The following PLA2G4C variants were observed in gnomAD, a reference collection of about 807,000 sequenced individuals.
PLA2G4C encodes phospholipase A2 group IVC, also known as cytosolic phospholipase A2 gamma.
Under a neutral mutation model 73.8 loss-of-function variants are expected in PLA2G4C, and 64 were observed. The observed-to-expected ratio is 0.87, with a 90% confidence interval of 0.71 to 1.07. The LOEUF (loss-of-function observed/expected upper bound fraction) is 1.07. Among genes scored for constraint, PLA2G4C ranks in the 50% least tolerant of loss-of-function variants. The pLI is 0.00. For missense variants in PLA2G4C, 622 were observed against 665.4 expected (o/e 0.93, Z 0.72); for synonymous variants, 254 against 252.1 (o/e 1.01, Z -0.07).
At chr19:48,094,084 T>C (rs142231222) in intron 7 of PLA2G4C, among the ~76,000 whole-genome samples, 5 of 152,272 alleles carry the variant, frequency 3.3e-5, no homozygotes, top group African/African-American at 1.2e-4. Context: ...AACGGACTAA[T>C]ACAGGGTCTC....
At chr19:48,066,719 C>A (rs1330658635) in intron 13 of PLA2G4C, among the ~76,000 whole-genome samples, 1 of 152,052 alleles carries the variant, frequency 6.6e-6, no homozygotes, top group African/African-American at 2.4e-5. Context: ...AATCCCAGCA[C>A]TTTGGGAGGC....
chr19:48,057,854 G>A (rs576206496), intron 14 of PLA2G4C, among the ~76,000 whole-genome samples: 1 of 147,488 alleles, frequency 6.8e-6, no homozygotes, highest in Non-Finnish European at 1.5e-5. Flanking sequence ...CTTATCTTTA[G>A]AGACAGGATC....
At chr19:48,050,003 C>A (rs879390804) in intron 16 of PLA2G4C, among the ~76,000 whole-genome samples, 1 of 152,174 alleles carries the variant, frequency 6.6e-6, no homozygotes, top group African/African-American at 2.4e-5. Context: ...CTCACTGCAA[C>A]CTCCACCTTC....
At chr19:48,055,452 C>A (rs966349706) in intron 14 of PLA2G4C, among the ~76,000 whole-genome samples, 6 of 148,722 alleles carry the variant, frequency 4.0e-5, no homozygotes, top group Non-Finnish European at 8.9e-5. Flanking sequence ...GTAGCCCTAG[C>A]TACTCAGGAA....
intron 13 of PLA2G4C, among the ~76,000 whole-genome samples, chr19:48,066,745 G>A (rs1277896729): frequency 1.3e-5 from 2 of 151,962 alleles, no homozygotes; most frequent in Non-Finnish European, 2.9e-5. Context: ...TGGGAGGATC[G>A]CTTGAGCCCA....
At chr19:48,097,174 G>C (rs1289579710) in intron 6 of PLA2G4C, 1 of 146,082 alleles carries the variant, frequency 6.8e-6, no homozygotes, top group Non-Finnish European at 1.5e-5. Flanking sequence ...AAAAAAAAGT[G>C]AGAGACAGCC....
intron 8 of PLA2G4C, 78 bp from the exon 9 acceptor site, chr19:48,088,790 C>A: frequency 9.4e-7 from 1 of 1,059,238 alleles, no homozygotes; most frequent in African/African-American, 1.6e-5. Context: ...ATACAGATGA[C>A]CTGCAGGGAT....
Position 48,088,717 on chromosome 19 carries a change from A to G in PLA2G4C, c.764-5T>C, listed in dbSNP as rs2122620665. ...GGGTCAGATTCCTTAACTGGTCTGC[A>G]AAAGAGTAGAAGCAGGAGGAATGTT... On this transcript the variant is annotated splice_polypyrimidine_tract_variant and splice_region_variant and intron_variant, in intron 8 of 16. Coordinates refer to ENST00000599921, the MANE Select transcript of PLA2G4C (RefSeq NM_003706.3). 1 of 1,599,126 alleles carries G rather than the reference A, an allele frequency of 6.3e-7. No homozygotes were observed. Among genetic ancestry groups the G allele is most frequent in the Non-Finnish European group, 8.6e-7 (1 of 1,166,252 alleles).
Position 48,057,737 on chromosome 19 carries a change from G to A in PLA2G4C, c.1258-2688C>T, listed in dbSNP as rs774677861. On this transcript the variant is annotated intron_variant, in intron 14 of 16. Transcript: ENST00000599921. ...ACACCTGACCTCAGGTGATCCACCT[G>A]CCTCTACCTCCCAAAGTGCTGGGAT... is the stretch of plus-strand genomic sequence containing the variant. 6.0e-5 allele frequency among the ~76,000 whole-genome samples: 9 copies of A among 150,348 alleles called. No homozygotes were observed. The East Asian group carries it at 7.9e-4, about 13-fold the overall frequency.
At chr19:48,052,907 G>A in intron 16 of PLA2G4C, 90 bp downstream of exon 16, 1 of 1,396,786 alleles carries the variant, frequency 7.2e-7, no homozygotes, top group South Asian at 1.4e-5. Context: ...TTTCACCCAT[G>A]CAACCCTCCT....
At chr19:48,085,356 C>A (rs1417650758) in intron 9 of PLA2G4C, among the ~76,000 whole-genome samples, 1 of 152,162 alleles carries the variant, frequency 6.6e-6, no homozygotes, top group Non-Finnish European at 1.5e-5. Context: ...GTGGAGCCAG[C>A]CGGGCACTGT....
intron 13 of PLA2G4C, among the ~76,000 whole-genome samples, chr19:48,063,579 C>T (rs950510437): frequency 5.4e-5 from 7 of 129,564 alleles, no homozygotes; most frequent in African/African-American, 2.0e-4. Context: ...CTCCCGTCCC[C>T]CCGCCAACAC....
intron 10 of PLA2G4C, among the ~76,000 whole-genome samples, chr19:48,083,588 C>T (rs1197784266): frequency 6.6e-6 from 1 of 151,340 alleles, no homozygotes; most frequent in Non-Finnish European, 1.5e-5. Flanking sequence ...GCTGGGATTA[C>T]AGGCATGTAC....
At chr19:48,088,225 G>A (rs756564619) in intron 9 of PLA2G4C, among the ~76,000 whole-genome samples, 4 of 152,012 alleles carry the variant, frequency 2.6e-5, no homozygotes, top group Non-Finnish European at 4.4e-5. Context: ...TGAGCACATC[G>A]CTTCTACAAC....
intron 10 of PLA2G4C, among the ~76,000 whole-genome samples, chr19:48,082,815 C>CT (rs936169612): frequency 0.25 from 29,977 of 120,458 alleles, 4,149 homozygotes; most frequent in Middle Eastern, 0.36. Context: ...TTCTTTCTTT[C>CT]TTTTTTTTTT....
chr19:48,074,883 A>G lies in PLA2G4C; in HGVS notation c.899-9T>C. 3 of 1,578,158 alleles carry G rather than the reference A, an allele frequency of 1.9e-6. No individual in the cohort carries two copies. Among genetic ancestry groups the G allele is most frequent in the Non-Finnish European group, 2.6e-6 (3 of 1,156,606 alleles). On this transcript the variant is annotated splice_polypyrimidine_tract_variant and intron_variant, in intron 11 of 16. Transcript: ENST00000599921. ...AGGCTCACCGCCTTCATCTACGTCA[A>G]GAAATCCAGGTGGTCTCAGACACTG...
At chr19:48,108,855 G>A (rs1337258764) in intron 1 of PLA2G4C, 1 of 152,262 alleles carries the variant, frequency 6.6e-6, no homozygotes, top group Non-Finnish European at 1.5e-5. Flanking sequence ...CTTGAACTCA[G>A]GAGGTGGAGG....
Position 48,105,920 on chromosome 19 carries a change from TCCCTCCCTCCCTCCCTCCCTCCCTCCC to T in PLA2G4C, c.9-503_9-477del. On this transcript the variant is annotated intron_variant, in intron 2 of 16. Coordinates refer to ENST00000599921, the MANE Select transcript of PLA2G4C (RefSeq NM_003706.3). ...CTCCCTCCCTCCCTCCCTCCCTCCC[TCCCTCCCTCCCTCCCTCCCTCCCTCCC>T]TTCTTTCTTTCTTTCTTTCTTTCTT... Among the ~76,000 whole-genome samples the T allele has an allele frequency of 3.1e-3, 52 of 16,532 alleles. 6 individuals are homozygous for T. The highest frequency in any genetic ancestry group is 0.022 in the African/African-American group (46 of 2,092). 10.8% of individuals were successfully genotyped at this position (16,532 alleles called of 152,430 possible).
intron 10 of PLA2G4C, 139 bp downstream of exon 10, chr19:48,084,920 T>C (rs1039341532): frequency 1.5e-6 from 1 of 659,942 alleles, no homozygotes. Context: ...GTTCAGTGTA[T>C]GAGAATAAAT....
Sources: allele counts gnomAD v4.1 joint callset (sites outside exome capture counted in the v4.1 genomes callset), GRCh38; gene constraint gnomAD v4.1.1; transcripts MANE v1.5; gene names NCBI Gene and HGNC (gene_info 2026-07-23, HGNC 2026-07-21).